The following LDLRAD3 variants were observed in gnomAD, a reference collection of about 807,000 sequenced individuals.
LDLRAD3 encodes the protein low density lipoprotein receptor class A domain containing 3, also known as low-density lipoprotein receptor class A domain-containing protein 3.
A neutral mutation model predicts 29.4 loss-of-function variants in LDLRAD3; 20 were observed. The ratio of observed to expected loss-of-function variants is 0.68; its 90% CI spans 0.48 to 0.99. LDLRAD3 has a LOEUF of 0.99. Ranked by LOEUF, LDLRAD3 falls within the 50% of genes least tolerant of loss-of-function variation. The pLI, the probability that LDLRAD3 is intolerant of heterozygous loss-of-function variation, is 0.00. For synonymous variants in LDLRAD3, 157 were observed against 192.7 expected, an observed-to-expected ratio of 0.81 and a Z score of 1.53; for missense variants, 420 against 454.3, an observed-to-expected ratio of 0.92 and a Z score of 0.69.
At chr11:35,954,786 A>T (rs974812329) in intron 1 of LDLRAD3, among the ~76,000 whole-genome samples, 1 of 152,214 alleles carries the variant, frequency 6.6e-6, no homozygotes, top group Non-Finnish European at 1.5e-5. Flanking sequence ...AGCAATTTTA[A>T]ATCAGGTGAT....
At chr11:36,007,526 G>A (rs1409745778) in intron 1 of LDLRAD3, among the ~76,000 whole-genome samples, 2 of 152,184 alleles carry the variant, frequency 1.3e-5, no homozygotes, top group African/African-American at 2.4e-5. Flanking sequence ...GGTGAGGGAG[G>A]GAAGAGGCGA....
intron 4 of LDLRAD3, among the ~76,000 whole-genome samples, chr11:36,125,524 G>A (rs1343153820): frequency 6.6e-6 from 1 of 152,224 alleles, no homozygotes; most frequent in Non-Finnish European, 1.5e-5. Context: ...GATAGTCAAT[G>A]TTTGTTGAAT....
intron 1 of LDLRAD3, among the ~76,000 whole-genome samples, chr11:36,006,118 T>G (rs1015652495): frequency 1.3e-5 from 2 of 152,192 alleles, no homozygotes; most frequent in African/African-American, 4.8e-5. Flanking sequence ...ACAGGAAATA[T>G]GGGCTCAGAG....
intron 2 of LDLRAD3, among the ~76,000 whole-genome samples, chr11:36,046,241 G>A (rs1852448712): frequency 6.6e-6 from 1 of 152,092 alleles, no homozygotes; most frequent in Non-Finnish European, 1.5e-5. Context: ...GAGTTCCCCT[G>A]TACCAGCTCT....
Position 36,098,420 on chromosome 11 carries a change from G to A in LDLRAD3, c.413G>A (p.Cys138Tyr). The A allele has an allele frequency of 1.9e-6, 3 of 1,614,218 alleles. No individual in the cohort carries two copies. The highest frequency in any genetic ancestry group is 1.7e-6 in the Non-Finnish European group (2 of 1,180,038). The part of the protein sequence containing the change: ...KSFICDGQNN[C>Y]QDNSDEESCE... ...TTCATCTGCGATGGACAGAATAACT[G>A]TCAAGACAACAGTGATGAGGAAAGC... The change falls in exon 4 of 6, where the codon TGT (cysteine) becomes TAT (tyrosine). Residue 138 changes from cysteine (C) to tyrosine (Y), a missense_variant. Cys to Tyr is a radical substitution (Grantham distance 194). This residue lies in a region of LDLRAD3 where 224 missense variants were observed against 222.2 expected (regional missense o/e 1.01). Coordinates refer to ENST00000315571, the MANE Select transcript of LDLRAD3 (RefSeq NM_174902.4).
chr11:36,175,232 A>G (rs560395805), intron 4 of LDLRAD3, among the ~76,000 whole-genome samples: 3 of 152,134 alleles, frequency 2.0e-5, no homozygotes, highest in East Asian at 1.9e-4. Flanking sequence ...CTAATGGTCT[A>G]TTGATTTTGT....
intron 3 of LDLRAD3, among the ~76,000 whole-genome samples, chr11:36,082,401 C>T (rs12225204): frequency 0.14 from 21,113 of 152,048 alleles, 1,922 homozygotes; most frequent in East Asian, 0.35. Context: ...CCCAGCTACT[C>T]GGGAGGATGA....
intron 4 of LDLRAD3, among the ~76,000 whole-genome samples, chr11:36,201,824 C>T (rs1006684014): frequency 5.3e-5 from 8 of 152,188 alleles, no homozygotes; most frequent in African/African-American, 1.9e-4. Context: ...AGGAGGCAGT[C>T]GCGGATGTGG....
chr11:35,991,617 C>T (rs1851690694), intron 1 of LDLRAD3, among the ~76,000 whole-genome samples: 1 of 152,140 alleles, frequency 6.6e-6, no homozygotes, highest in Admixed American at 6.5e-5. Flanking sequence ...ACAACTGGGT[C>T]TCTGTTGCTG....
intron 4 of LDLRAD3, among the ~76,000 whole-genome samples, chr11:36,143,990 A>G (rs1005839684): frequency 5.6e-4 from 74 of 132,802 alleles, no homozygotes; most frequent in African/African-American, 2.0e-3. Flanking sequence ...CCGAAGCTGG[A>G]CTGTACTGCT....
At chr11:36,085,667 A>T (rs1167826321) in intron 3 of LDLRAD3, among the ~76,000 whole-genome samples, 3 of 152,068 alleles carry the variant, frequency 2.0e-5, no homozygotes, top group Admixed American at 1.3e-4. Flanking sequence ...GCTAGAGTGC[A>T]GTGGTGCGAT....
At chr11:35,950,994 A>G (rs1163397174) in intron 1 of LDLRAD3, among the ~76,000 whole-genome samples, 2 of 152,056 alleles carry the variant, frequency 1.3e-5, no homozygotes, top group African/African-American at 4.8e-5. Context: ...GAGGCAGGAG[A>G]ATCACTTGAA....
intron 1 of LDLRAD3, among the ~76,000 whole-genome samples, chr11:36,011,740 T>C (rs2133188485): frequency 6.6e-6 from 1 of 152,312 alleles, no homozygotes; most frequent in African/African-American, 2.4e-5. Flanking sequence ...CTAGTTCTCA[T>C]TACCTGGCTT....
intron 2 of LDLRAD3, among the ~76,000 whole-genome samples, chr11:36,065,857 A>T (rs1294623450): frequency 6.6e-6 from 1 of 152,120 alleles, no homozygotes; most frequent in Non-Finnish European, 1.5e-5. Context: ...TCATGTGGGG[A>T]GGGCCAAGAA....
chr11:36,048,571 C>G (rs1852485848), intron 2 of LDLRAD3, among the ~76,000 whole-genome samples: 1 of 152,220 alleles, frequency 6.6e-6, no homozygotes. Flanking sequence ...AAGTATCTCC[C>G]AGGAGAAGAG....
chr11:36,095,756 G>A (rs1026159090), intron 3 of LDLRAD3, among the ~76,000 whole-genome samples: 2 of 152,144 alleles, frequency 1.3e-5, no homozygotes, highest in African/African-American at 4.8e-5. Flanking sequence ...TTCCCCATCA[G>A]GACGTTTACA....
chr11:36,083,398 A>C (rs1436188780), intron 3 of LDLRAD3, among the ~76,000 whole-genome samples: 1 of 152,212 alleles, frequency 6.6e-6, no homozygotes, highest in Non-Finnish European at 1.5e-5. Flanking sequence ...AATATAAACA[A>C]GTATAAAGAA....
intron 4 of LDLRAD3, among the ~76,000 whole-genome samples, chr11:36,147,890 A>G (rs1302847196): frequency 1.3e-5 from 2 of 151,714 alleles, no homozygotes; most frequent in Non-Finnish European, 2.9e-5. Context: ...ATTTCTTTTG[A>G]GACAGAGTTT....
At chr11:35,972,626 G>C (rs145045400) in intron 1 of LDLRAD3, 1 of 152,314 alleles carries the variant, frequency 6.6e-6, no homozygotes, top group African/African-American at 2.4e-5. Flanking sequence ...TGAGCAGATA[G>C]ATAGTCTGAA....
Sources: gnomAD v4.1 joint callset for allele counts (sites outside exome capture counted in the v4.1 genomes callset) on GRCh38, gnomAD v4.1.1 for gene constraint, gnomAD v4.1.1 regional missense constraint, MANE v1.5 for transcripts, NCBI Gene and HGNC (gene_info 2026-07-23, HGNC 2026-07-21) for gene names.